Variants in ARHGAP24 observed in about 807,000 individuals in gnomAD.
ARHGAP24 encodes rho GTPase-activating protein 24.
Under a neutral mutation model 76.4 loss-of-function variants are expected in ARHGAP24, and 50 were observed. The observed-to-expected ratio is 0.65, with a 90% CI of 0.52 to 0.83. ARHGAP24 has a LOEUF of 0.83. Ranked by LOEUF, ARHGAP24 falls within the 40% of genes least tolerant of loss-of-function variation. The pLI is 0.00. For synonymous variants in ARHGAP24, 345 were observed against 323.3 expected (o/e 1.07, Z -0.72); for missense variants, 930 against 914.2 (o/e 1.02, Z -0.22).
rs186719401 is a variant in ARHGAP24, at chr4:85,687,494, A to G, written c.181-34391A>G. Among the ~76,000 whole-genome samples the G allele has an allele frequency of 2.2e-3, 337 of 152,284 alleles. 4 individuals carry two copies. Among genetic ancestry groups the G allele is most frequent in the Non-Finnish European group, 3.2e-3 (217 of 68,012 alleles). On this transcript the variant is annotated intron_variant, in intron 2 of 9. Transcript: ENST00000395184. ...ATTTGTCCACCTGTGCTAAATATTT[A>G]TAAGTGGGAACATGTGGTATTTGTT... is the stretch of plus-strand genomic sequence containing the variant.
At chr4:85,661,234 T>A (rs1209901540) in intron 2 of ARHGAP24, among the ~76,000 whole-genome samples, 1 of 142,784 alleles carries the variant, frequency 7.0e-6, no homozygotes, top group African/African-American at 2.6e-5. Flanking sequence ...AATCAGCCGA[T>A]AAAAAAAGTA....
intron 3 of ARHGAP24, among the ~76,000 whole-genome samples, chr4:85,890,527 A>G (rs926882390): frequency 6.6e-6 from 1 of 152,228 alleles, no homozygotes; most frequent in Non-Finnish European, 1.5e-5. Context: ...CCTGGCTAGT[A>G]TCTTGAGGAA....
intron 3 of ARHGAP24, among the ~76,000 whole-genome samples, chr4:85,908,861 G>GA (rs1160037633): frequency 2.7e-3 from 362 of 136,202 alleles, no homozygotes; most frequent in African/African-American, 6.8e-3. Context: ...TAATTAAAAA[G>GA]AAAAAAAAAA....
intron 2 of ARHGAP24, among the ~76,000 whole-genome samples, chr4:85,619,581 A>G (rs1334581995): frequency 2.0e-5 from 3 of 151,722 alleles, no homozygotes; most frequent in East Asian, 3.9e-4. Context: ...AATTCTGCCA[A>G]TCCACAAACA....
rs183556326 is a variant in ARHGAP24 at position 85,796,645 on chromosome 4, C to T, written c.268+74673C>T. On this transcript the variant is annotated intron_variant, in intron 3 of 9. Coordinates refer to ENST00000395184, the MANE Select transcript of ARHGAP24 (RefSeq NM_001025616.3). ...AACTATTACAGGGAATTAGAGTATG[C>T]AGGGATTGGCTAATAAGTAAAAAGT... is the stretch of plus-strand genomic sequence containing the variant. Among the ~76,000 whole-genome samples, 206 of 152,172 alleles carry T rather than the reference C, an allele frequency of 1.4e-3. 3 individuals carry two copies. Among genetic ancestry groups the T allele is most frequent in the Admixed American group, 0.013 (192 of 15,288 alleles).
intron 5 of ARHGAP24, among the ~76,000 whole-genome samples, chr4:85,943,663 T>A (rs1441785352): frequency 1.3e-5 from 2 of 152,082 alleles, no homozygotes; most frequent in African/African-American, 2.4e-5. Flanking sequence ...CCTGTGTCCA[T>A]GTATTCTCAT....
chr4:85,955,413 T>C (rs907844802), intron 5 of ARHGAP24, among the ~76,000 whole-genome samples: 13 of 152,164 alleles, frequency 8.5e-5, no homozygotes, highest in Non-Finnish European at 1.6e-4. Flanking sequence ...CTGTAACTTA[T>C]TATCTCATAT....
intron 3 of ARHGAP24, among the ~76,000 whole-genome samples, chr4:85,824,282 T>C (rs111236443): frequency 0.03 from 4,592 of 152,326 alleles, 102 homozygotes; most frequent in Non-Finnish European, 0.042. Flanking sequence ...GTATTATCAT[T>C]TGGAGTTGTT....
intron 1 of ARHGAP24, among the ~76,000 whole-genome samples, chr4:85,569,180 A>G (rs1327133040): frequency 6.6e-6 from 1 of 152,238 alleles, no homozygotes; most frequent in Non-Finnish European, 1.5e-5. Context: ...GTCTTCCAGA[A>G]TTGATCAGAA....
chr4:85,930,991 A>G, intron 4 of ARHGAP24: 2 of 1,613,716 alleles, frequency 1.2e-6, no homozygotes, highest in South Asian at 2.2e-5. Flanking sequence ...AACTCCTTTC[A>G]TCCCTAAAAC....
intron 3 of ARHGAP24, chr4:85,722,665 C>T (rs1724997745): frequency 6.5e-6 from 1 of 154,384 alleles, no homozygotes. Context: ...ACAATTCCTC[C>T]AAGGCCATGT....
At chr4:85,573,940 G>T (rs1414014168) in intron 2 of ARHGAP24, among the ~76,000 whole-genome samples, 1 of 152,056 alleles carries the variant, frequency 6.6e-6, no homozygotes, top group Admixed American at 6.6e-5. Context: ...TCACTTCAAT[G>T]CTTCCAACGT....
intron 3 of ARHGAP24, among the ~76,000 whole-genome samples, chr4:85,793,716 T>C (rs1333059479): frequency 1.3e-5 from 2 of 152,164 alleles, no homozygotes; most frequent in Non-Finnish European, 2.9e-5. Context: ...TATGTGTACA[T>C]AGAAAAGAAA....
intron 3 of ARHGAP24, among the ~76,000 whole-genome samples, chr4:85,823,572 C>T (rs979046444): frequency 6.6e-6 from 1 of 152,198 alleles, no homozygotes; most frequent in Non-Finnish European, 1.5e-5. Context: ...ACACTGTTAT[C>T]ACTCAGCTCA....
intron 2 of ARHGAP24, among the ~76,000 whole-genome samples, chr4:85,629,029 C>A (rs1305865072): frequency 6.6e-6 from 1 of 152,036 alleles, no homozygotes; most frequent in African/African-American, 2.4e-5. Flanking sequence ...TTTATAACTT[C>A]TTTGTTCTTT....
At chr4:85,895,942 A>T (rs974619549) in intron 3 of ARHGAP24, among the ~76,000 whole-genome samples, 2 of 152,200 alleles carry the variant, frequency 1.3e-5, no homozygotes, top group African/African-American at 4.8e-5. Context: ...TTGTTTATAG[A>T]TCTCACTGTT....
chr4:85,603,094 A>G (rs11097063), intron 2 of ARHGAP24, among the ~76,000 whole-genome samples: 1 of 152,234 alleles, frequency 6.6e-6, no homozygotes, highest in Non-Finnish European at 1.5e-5. Flanking sequence ...GAGGAAATAA[A>G]CTGCTTAATC....
chr4:85,845,927 C>A (rs568868600), intron 3 of ARHGAP24, among the ~76,000 whole-genome samples: 1 of 151,784 alleles, frequency 6.6e-6, no homozygotes, highest in African/African-American at 2.4e-5. Context: ...TCTTTTGAGA[C>A]AGAGTTTTGC....
chr4:85,856,190 A>G (rs1217346968), intron 3 of ARHGAP24, among the ~76,000 whole-genome samples: 2 of 152,022 alleles, frequency 1.3e-5, no homozygotes, highest in Non-Finnish European at 2.9e-5. Context: ...TGTGGTTTGA[A>G]TTCACATTTC....
Sources: allele counts gnomAD v4.1 joint callset (sites outside exome capture counted in the v4.1 genomes callset), GRCh38; gene constraint gnomAD v4.1.1; transcripts MANE v1.5; gene names NCBI Gene and HGNC (gene_info 2026-07-23, HGNC 2026-07-21).